CUX1: variants seen among roughly 807,000 people sequenced by gnomAD.
The protein encoded by CUX1 is cut like homeobox 1.
In CUX1, 31 loss-of-function variants were observed where a neutral mutation model predicts 158.8. That is an observed-to-expected ratio of 0.20 (90% confidence interval 0.15 to 0.26). The LOEUF is 0.26. Ranked by LOEUF, CUX1 falls within the 10% of genes least tolerant of loss-of-function variation. The pLI is 1.00. For synonymous variants in CUX1, 879 were observed against 862.1 expected (o/e 1.02, Z -0.34); for missense variants, 1,589 against 2,014.6 (o/e 0.79, Z 4.04).
intron 1 of CUX1, among the ~76,000 whole-genome samples, chr7:101,906,071 C>T (rs1023313043): frequency 1.3e-5 from 2 of 151,990 alleles, no homozygotes; most frequent in Non-Finnish European, 2.9e-5. Flanking sequence ...AGTGATCCCC[C>T]CACCTCGGCC....
intron 2 of CUX1, chr7:101,960,832 T>G (rs1368927565): frequency 6.6e-6 from 1 of 152,112 alleles, no homozygotes; most frequent in Non-Finnish European, 1.5e-5. Flanking sequence ...CTTAAGAGCT[T>G]CCTCCCTCTC....
intron 5 of CUX1, among the ~76,000 whole-genome samples, chr7:102,098,807 ATTTTTTTTTT>A (rs112048598): frequency 1.5e-5 from 1 of 68,000 alleles, no homozygotes; most frequent in Non-Finnish European, 2.6e-5. Context: ...CGCCCAACTA[ATTTTTTTTTT>A]TTTTTTTTTT....
intron 1 of CUX1, among the ~76,000 whole-genome samples, chr7:101,835,472 T>C (rs2131082331): frequency 6.6e-6 from 1 of 152,338 alleles, no homozygotes; most frequent in South Asian, 2.1e-4. Context: ...CGTGTACAAA[T>C]GTTTGTATGA....
rs760652607 is a variant in CUX1, at chr7:101,858,661, CTTTTT to C, written c.30+41010_30+41014del. ...ACTTTGGCCCTTAGAATGCGAATGC[CTTTTT>C]TTTTTTTTTTTTTTTTTGAGATGGC... On this transcript the variant is annotated intron_variant, in intron 1 of 23. Coordinates refer to ENST00000292535, the MANE Select transcript of CUX1 (RefSeq NM_181552.4). Among the ~76,000 whole-genome samples, 6 of 103,318 alleles carry C rather than the reference CTTTTT, an allele frequency of 5.8e-5. No homozygotes were observed. The Admixed American group carries it at 6.2e-4, about 11-fold the overall frequency. The allele number at this position is 103,318 out of a possible 152,430, so 67.8% of individuals were successfully genotyped here. A position where few individuals can be genotyped will look rare whatever the true frequency, so the allele number is the denominator to read the frequency against.
intron 11 of CUX1, among the ~76,000 whole-genome samples, chr7:102,180,173 C>T (rs1016529029): frequency 6.6e-6 from 1 of 152,004 alleles, no homozygotes; most frequent in South Asian, 2.1e-4. Flanking sequence ...CAGTCACGCG[C>T]CACCATGCCA....
intron 7 of CUX1, 127 bp from the exon 8 acceptor site, chr7:102,115,080 A>G (rs1311372927): frequency 1.3e-6 from 1 of 767,456 alleles, no homozygotes; most frequent in African/African-American, 1.8e-5. Flanking sequence ...TGTGTTTTTA[A>G]TCTTTATTTT....
At chr7:102,134,050 A>T (rs1833629545) in intron 8 of CUX1, among the ~76,000 whole-genome samples, 1 of 152,144 alleles carries the variant, frequency 6.6e-6, no homozygotes, top group Non-Finnish European at 1.5e-5. Flanking sequence ...TTAAAAAAAG[A>T]TTGTCCTGGC....
At position 102,248,905 on chromosome 7, in the gene CUX1, G is replaced by A. The variant is rs1357447896; in HGVS notation, c.4381G>A (p.Gly1461Ser). Residue 1461 changes from glycine (G) to serine (S), a missense_variant, in exon 24 of 24, where the codon GGC becomes AGC. This residue lies in a region of CUX1 where 344 missense variants were observed against 323.7 expected (regional missense o/e 1.06). Coordinates refer to ENST00000292535, the MANE Select transcript of CUX1 (RefSeq NM_181552.4). This position sits in a 1 kb window ranked among gnomAD's most constrained non-coding sequence, Gnocchi z 5.8. The part of the protein sequence containing the change: ...RRPSSLQSLF[G>S]LPEAAGARDS... ...GCCCAGCTCGCTGCAGAGCCTTTTCGGCCTCCCCGAGGCCGCGGGCGCCCG... is the reference window on the plus strand; with the variant it reads ...GCCCAGCTCGCTGCAGAGCCTTTTCAGCCTCCCCGAGGCCGCGGGCGCCCG... 2 of 1,433,416 alleles carry A rather than the reference G, an allele frequency of 1.4e-6. No homozygotes were observed. The highest frequency in any genetic ancestry group is 1.8e-6 in the Non-Finnish European group (2 of 1,087,884). The allele number at this position is 1,433,416 out of a possible 1,614,324, so 88.8% of individuals were successfully genotyped here.
chr7:102,268,680 T>C (rs1586505796), intron 14 of CUX1, among the ~76,000 whole-genome samples: 2 of 152,134 alleles, frequency 1.3e-5, no homozygotes, highest in Non-Finnish European at 2.9e-5. Context: ...TTCTGCAGGC[T>C]GTACCAGAAG....
intron 2 of CUX1, among the ~76,000 whole-genome samples, chr7:102,010,427 A>G (rs1450778542): frequency 6.7e-6 from 1 of 149,632 alleles, no homozygotes; most frequent in Non-Finnish European, 1.5e-5. Flanking sequence ...ACTGACTTGG[A>G]TATGTGCTTA....
chr7:101,907,468 C>G (rs1384269927), intron 1 of CUX1, among the ~76,000 whole-genome samples: 2 of 152,158 alleles, frequency 1.3e-5, no homozygotes, highest in African/African-American at 4.8e-5. Flanking sequence ...CATGTCTCAG[C>G]CTCCCGAATA....
At chr7:102,146,251 G>C (rs78403344) in intron 8 of CUX1, among the ~76,000 whole-genome samples, 3,547 of 152,180 alleles carry the variant, frequency 0.023, 139 homozygotes, top group African/African-American at 0.082. Flanking sequence ...CTCATTCCCT[G>C]GGCCGCAGCT....
At chr7:102,162,489 T>C (rs1585984997) in intron 9 of CUX1, among the ~76,000 whole-genome samples, 1 of 152,224 alleles carries the variant, frequency 6.6e-6, no homozygotes, top group South Asian at 2.1e-4. Context: ...ACTACGGGCA[T>C]ATGGCTCCCC....
At chr7:102,113,753 A>G (rs1012387480) in intron 7 of CUX1, among the ~76,000 whole-genome samples, 2 of 151,996 alleles carry the variant, frequency 1.3e-5, no homozygotes, top group Non-Finnish European at 2.9e-5. Flanking sequence ...TTTTATGGAC[A>G]TGGAGTCTCA....
chr7:101,918,072 G>T (rs1017774898), intron 2 of CUX1, among the ~76,000 whole-genome samples: 1 of 152,214 alleles, frequency 6.6e-6, no homozygotes, highest in Non-Finnish European at 1.5e-5. Context: ...ATCCTTCAGA[G>T]GCCACGGACA....
intron 9 of CUX1, 73 bp downstream of exon 9, chr7:102,158,681 C>A (rs1190749641): frequency 2.8e-6 from 4 of 1,437,456 alleles, no homozygotes; most frequent in African/African-American, 1.4e-5. Context: ...GAAGATGCGT[C>A]ACCCGAAGTT....
At chr7:102,050,681 C>CTTT (rs571980712) in intron 3 of CUX1, among the ~76,000 whole-genome samples, 58 of 139,372 alleles carry the variant, frequency 4.2e-4, no homozygotes, top group African/African-American at 1.6e-3. Context: ...CCTGTGAATT[C>CTTT]TTTTTATTAT....
intron 2 of CUX1, among the ~76,000 whole-genome samples, chr7:101,988,410 C>T (rs1814615934): frequency 1.3e-5 from 2 of 152,130 alleles, no homozygotes; most frequent in African/African-American, 2.4e-5. Context: ...CTTAACTCTC[C>T]TGAAAACACT....
chr7:102,255,077 C>T lies in CUX1; in HGVS notation c.*6035C>T. 4 of 985,446 alleles carry T rather than the reference C, an allele frequency of 4.1e-6. No homozygotes were observed. The highest frequency in any genetic ancestry group is 4.8e-6 in the Non-Finnish European group (4 of 829,998). The allele number at this position is 985,446 out of a possible 1,614,324, so 61.0% of individuals were successfully genotyped here. ...AACAAGCCCCAGCCCTACTCCCGGC[C>T]CCCCAGCCCAGTCTTCCCAATCCCA... On this transcript the variant is annotated 3_prime_UTR_variant, in exon 24 of 24. Transcript: ENST00000292535.
Sources: gnomAD v4.1 joint callset for allele counts (sites outside exome capture counted in the v4.1 genomes callset) on GRCh38, gnomAD v4.1.1 for gene constraint, gnomAD v4.1.1 regional missense constraint, Gnocchi (gnomAD v3.1) non-coding constraint, MANE v1.5 for transcripts, NCBI Gene and HGNC (gene_info 2026-07-23, HGNC 2026-07-21) for gene names.